DHTKD1: variants seen among roughly 807,000 people sequenced by gnomAD.
The protein encoded by DHTKD1 is 2-oxoadipate dehydrogenase complex component E1.
A neutral mutation model predicts 101.8 loss-of-function variants in DHTKD1; 78 were observed. The ratio of observed to expected loss-of-function variants is 0.77; its 90% CI spans 0.64 to 0.93. The LOEUF is 0.93. Ranked by LOEUF, DHTKD1 falls within the 40% of genes least tolerant of loss-of-function variation. The pLI is 0.00. For missense variants in DHTKD1, 1,223 were observed against 1,161.7 expected (o/e 1.05, Z -0.77); for synonymous variants, 462 against 450.3 (o/e 1.03, Z -0.33).
At chr10:12,119,505 A>G (rs1285837135) in intron 15 of DHTKD1, among the ~76,000 whole-genome samples, 12 of 143,256 alleles carry the variant, frequency 8.4e-5, no homozygotes, top group Middle Eastern at 4.3e-3. Context: ...AGTCCCAGCT[A>G]CTTGGGAGGC....
At chr10:12,096,603 G>A (rs549008295) in intron 7 of DHTKD1, among the ~76,000 whole-genome samples, 1 of 152,266 alleles carries the variant, frequency 6.6e-6, no homozygotes, top group East Asian at 1.9e-4. Context: ...GCCCGTCTCG[G>A]CCTCCCAAAG....
intron 16 of DHTKD1, 68 bp downstream of exon 16, chr10:12,120,335 C>CTTTCTTT (rs1833505256): frequency 7.5e-7 from 1 of 1,341,838 alleles, no homozygotes; most frequent in African/African-American, 1.5e-5. Flanking sequence ...TTCTTTCTTT[C>CTTTCTTT]TTTCTTTTTT....
In DHTKD1 at chr10:12,121,049, G is replaced by A. The variant is rs1223845170; in HGVS notation, c.*161G>A. Reference sequence around the variant, plus strand: ...AGCCTGGCCAACACGGTGAAACCCCGCCTCTACTAAAAATACAAAAAATAG... The same window carrying A: ...AGCCTGGCCAACACGGTGAAACCCCACCTCTACTAAAAATACAAAAAATAG... On this transcript the variant is annotated 3_prime_UTR_variant, in exon 17 of 17. Transcript: ENST00000263035. 4 of 514,834 alleles carry A rather than the reference G, an allele frequency of 7.8e-6. No homozygotes were observed. The highest frequency in any genetic ancestry group is 5.8e-5 in the Admixed American group (2 of 34,466). The allele number at this position is 514,834 out of a possible 1,614,324, so 31.9% of individuals were successfully genotyped here.
intron 8 of DHTKD1, among the ~76,000 whole-genome samples, chr10:12,099,226 A>T (rs1052085228): frequency 6.6e-6 from 1 of 152,012 alleles, no homozygotes; most frequent in African/African-American, 2.4e-5. Context: ...AGTTTTTATT[A>T]TAGGTACAGA....
At chr10:12,072,014 A>G (rs1438944544) in intron 1 of DHTKD1, among the ~76,000 whole-genome samples, 1 of 152,130 alleles carries the variant, frequency 6.6e-6, no homozygotes, top group African/African-American at 2.4e-5. Context: ...AGATCTTTCT[A>G]TGTCACCTAG....
intron 1 of DHTKD1, among the ~76,000 whole-genome samples, chr10:12,080,661 A>G (rs1202192623): frequency 6.6e-6 from 1 of 151,306 alleles, no homozygotes; most frequent in Non-Finnish European, 1.5e-5. Flanking sequence ...CAGTGAGCCA[A>G]GATTGAACCA....
Position 12,094,233 on chromosome 10 carries a change from G to A in DHTKD1, c.1320G>A (p.Glu440=). The change falls in exon 7 of 17, where the codon GAG becomes GAA. Residue 440 remains glutamate, a synonymous_variant. Coordinates refer to ENST00000263035, the MANE Select transcript of DHTKD1 (RefSeq NM_018706.7). ...YRQWGHNELD[E]PFYTNPIMYK... is the part of the protein sequence containing the mutation. ...AGTGGGGCCACAATGAGCTGGATGA[G>A]CCATTCTACACCAACCCCATCATGT... 2.5e-6 allele frequency: 4 copies of A among 1,614,150 alleles called. No homozygotes were observed. The highest frequency in any genetic ancestry group is 3.4e-6 in the Non-Finnish European group (4 of 1,180,026).
At chr10:12,086,404 TA>T (rs1439563638) in intron 3 of DHTKD1, among the ~76,000 whole-genome samples, 1 of 151,078 alleles carries the variant, frequency 6.6e-6, no homozygotes, top group African/African-American at 2.4e-5. Flanking sequence ...GTATTTTTAG[TA>T]GAACGGGGTT....
intron 1 of DHTKD1, among the ~76,000 whole-genome samples, chr10:12,076,815 C>T (rs1016484462): frequency 4.0e-5 from 6 of 151,820 alleles, no homozygotes; most frequent in Non-Finnish European, 7.4e-5. Context: ...CCCGCCACCA[C>T]GCCCGGCTAA....
chr10:12,076,878 G>A (rs1207904700), intron 1 of DHTKD1, among the ~76,000 whole-genome samples: 8 of 146,844 alleles, frequency 5.4e-5, no homozygotes, highest in East Asian at 2.0e-4. Flanking sequence ...AGATAGTCTC[G>A]ATCTCCTGAC....
intron 12 of DHTKD1, among the ~76,000 whole-genome samples, chr10:12,109,441 G>T (rs1833296320): frequency 6.6e-6 from 1 of 151,174 alleles, no homozygotes; most frequent in African/African-American, 2.4e-5. Flanking sequence ...GTAGGTGGGG[G>T]ATACAGTTTC....
At chr10:12,109,483 T>C (rs1272419487) in intron 12 of DHTKD1, among the ~76,000 whole-genome samples, 1 of 148,724 alleles carries the variant, frequency 6.7e-6, no homozygotes, top group African/African-American at 2.5e-5. Flanking sequence ...ACATTGACAG[T>C]CATGAGTCTG....
intron 5 of DHTKD1, 146 bp from the exon 6 acceptor site, chr10:12,091,367 G>A (rs895553682): frequency 4.7e-5 from 25 of 537,014 alleles, no homozygotes; most frequent in African/African-American, 4.1e-4. Flanking sequence ...AGCTGAGATC[G>A]TGCCATTTCA....
intron 8 of DHTKD1, among the ~76,000 whole-genome samples, chr10:12,099,386 T>C (rs1198438760): frequency 1.3e-5 from 2 of 152,106 alleles, no homozygotes; most frequent in East Asian, 3.9e-4. Flanking sequence ...TTGTTTTGCC[T>C]GTTTTAAAAT....
chr10:12,117,361 G>A (rs374363848), intron 13 of DHTKD1, among the ~76,000 whole-genome samples: 10 of 142,594 alleles, frequency 7.0e-5, no homozygotes, highest in African/African-American at 2.6e-4. Flanking sequence ...GGATGGTGGA[G>A]TAGGGGGTGC....
intron 12 of DHTKD1, among the ~76,000 whole-genome samples, chr10:12,109,890 G>A (rs968557572): frequency 6.6e-6 from 1 of 152,044 alleles, no homozygotes; most frequent in Admixed American, 6.6e-5. Context: ...TGATGACTGC[G>A]GTTTTGATGG....
At chr10:12,091,391 G>C (rs1358559797) in intron 5 of DHTKD1, 122 bp from the exon 6 acceptor site, 1 of 669,018 alleles carries the variant, frequency 1.5e-6, no homozygotes, top group African/African-American at 2.6e-5. Context: ...CAGCCTGGGC[G>C]AAAGAGCAAG....
chr10:12,085,927 T>C (rs1260398069), intron 3 of DHTKD1, among the ~76,000 whole-genome samples: 1 of 152,054 alleles, frequency 6.6e-6, no homozygotes, highest in East Asian at 1.9e-4. Flanking sequence ...TAAAAAAACA[T>C]AGTTCTTAAG....
In DHTKD1 at chr10:12,087,148, T is replaced by C. The variant is rs986553597; in HGVS notation, c.523-387T>C. Among the ~76,000 whole-genome samples, 1 of 152,170 alleles carries C rather than the reference T, an allele frequency of 6.6e-6. No homozygotes were observed. Among genetic ancestry groups the C allele is most frequent in the Non-Finnish European group, 1.5e-5 (1 of 68,024 alleles). On this transcript the variant is annotated intron_variant, in intron 3 of 16. Coordinates refer to ENST00000263035, the MANE Select transcript of DHTKD1 (RefSeq NM_018706.7). The surrounding 1 kb of genome is among the most constrained non-coding windows in gnomAD (Gnocchi z 5.2). ...GAATGTCAAGATGGCAAGAAGCCCCTTCCTAATAGTTTGGGTAGTTGGATA... is the reference window on the plus strand; with the variant it reads ...GAATGTCAAGATGGCAAGAAGCCCCCTCCTAATAGTTTGGGTAGTTGGATA...
Sources: gnomAD v4.1 joint callset for allele counts (sites outside exome capture counted in the v4.1 genomes callset) on GRCh38, gnomAD v4.1.1 for gene constraint, Gnocchi (gnomAD v3.1) non-coding constraint, MANE v1.5 for transcripts, NCBI Gene and HGNC (gene_info 2026-07-23, HGNC 2026-07-21) for gene names.